COG6: variants seen among roughly 807,000 people sequenced by gnomAD.
The protein encoded by COG6 is conserved oligomeric Golgi complex subunit 6.
A neutral mutation model predicts 88.8 loss-of-function variants in COG6; 74 were observed. The ratio of observed to expected loss-of-function variants is 0.83; its 90% CI spans 0.69 to 1.01. The LOEUF (loss-of-function observed/expected upper bound fraction) is 1.01. COG6 is among the 50% of genes least tolerant of loss of function. COG6 has a pLI of 0.00. For missense variants in COG6, 800 were observed against 797.9 expected, an observed-to-expected ratio of 1.00 and a Z score of -0.03; for synonymous variants, 286 against 278.7, an observed-to-expected ratio of 1.03 and a Z score of -0.26.
At chr13:39,684,410 C>T (rs1346039681) in intron 8 of COG6, among the ~76,000 whole-genome samples, 1 of 150,850 alleles carries the variant, frequency 6.6e-6, no homozygotes, top group Non-Finnish European at 1.5e-5. Flanking sequence ...CCACCTCGCC[C>T]GGCTAATTTT....
intron 18 of COG6, among the ~76,000 whole-genome samples, chr13:39,776,584 G>C (rs1324159475): frequency 6.6e-6 from 1 of 152,150 alleles, no homozygotes; most frequent in African/African-American, 2.4e-5. Context: ...AATGGGAAAA[G>C]ATGTAACAAA....
chr13:39,751,412 A>G lies in COG6; in HGVS notation c.*319A>G. 7.6e-7 allele frequency: 1 copy of G among 1,307,574 alleles called. No homozygotes were observed. The highest frequency in any genetic ancestry group is 1.0e-6 in the Non-Finnish European group (1 of 1,001,392). The allele number at this position is 1,307,574 out of a possible 1,614,324, so 81.0% of individuals were successfully genotyped here. On this transcript the variant is annotated 3_prime_UTR_variant, in exon 19 of 19. Coordinates refer to ENST00000455146, the MANE Select transcript of COG6 (RefSeq NM_020751.3). Reference sequence around the variant, plus strand: ...AAGGTTTGAAGAATTTTTTTTTACAAGACTAGTTCTAAATTAACAGCTTAT... The same window carrying G: ...AAGGTTTGAAGAATTTTTTTTTACAGGACTAGTTCTAAATTAACAGCTTAT...
At position 39,770,103 on chromosome 13, in the gene COG6, G is replaced by A. The variant is rs534625745; in HGVS notation, c.1827-18232G>A. Among the ~76,000 whole-genome samples the A allele has an allele frequency of 7.9e-5, 12 of 152,278 alleles. No individual in the cohort carries two copies. In the East Asian group the frequency reaches 1.5e-3, roughly 20 times the overall value. On this transcript the variant is annotated intron_variant, in intron 18 of 18. Transcript: ENST00000416691. ...GCAAAGAAAATTAGAAATCAATATC[G>A]GGAAGTGAAAATATTCTCCAGTTCA...
intron 18 of COG6, among the ~76,000 whole-genome samples, chr13:39,781,595 G>C (rs959266268): frequency 1.3e-5 from 2 of 151,998 alleles, no homozygotes; most frequent in African/African-American, 4.8e-5. Context: ...ACAGCAAAGA[G>C]TTTTGGGCCA....
chr13:39,758,862 A>G (rs1283648185), intron 18 of COG6, among the ~76,000 whole-genome samples: 1 of 152,212 alleles, frequency 6.6e-6, no homozygotes, highest in Non-Finnish European at 1.5e-5. Flanking sequence ...AAAATGTGGT[A>G]TATCCATACA....
chr13:39,769,795 T>TATA (rs1445490589), intron 18 of COG6, among the ~76,000 whole-genome samples: 1 of 152,018 alleles, frequency 6.6e-6, no homozygotes, highest in Non-Finnish European at 1.5e-5. Flanking sequence ...TTTGTGCCCT[T>TATA]ATAAAATAGG....
At chr13:39,713,149 G>C (rs1026839770) in intron 13 of COG6, among the ~76,000 whole-genome samples, 3 of 152,162 alleles carry the variant, frequency 2.0e-5, no homozygotes, top group Non-Finnish European at 2.9e-5. Context: ...ATGCTGACTG[G>C]TTTCCAAGGA....
intron 5 of COG6, among the ~76,000 whole-genome samples, chr13:39,679,033 A>C (rs1330405797): frequency 6.6e-6 from 1 of 152,144 alleles, no homozygotes; most frequent in Non-Finnish European, 1.5e-5. Flanking sequence ...CCTCCAGTAC[A>C]TTTAAATATC....
chr13:39,718,389 T>A (rs939988991), intron 13 of COG6, among the ~76,000 whole-genome samples: 1 of 152,122 alleles, frequency 6.6e-6, no homozygotes, highest in Non-Finnish European at 1.5e-5. Flanking sequence ...TTTTAAAAAA[T>A]TTACAAAATG....
intron 13 of COG6, among the ~76,000 whole-genome samples, chr13:39,718,329 G>GC (rs1404788931): frequency 2.6e-5 from 4 of 151,972 alleles, no homozygotes; most frequent in African/African-American, 9.7e-5. Flanking sequence ...ACACCTTTCT[G>GC]CCTACCTGCC....
intron 5 of COG6, among the ~76,000 whole-genome samples, chr13:39,679,183 T>C (rs1437758283): frequency 6.6e-6 from 1 of 152,176 alleles, no homozygotes; most frequent in East Asian, 1.9e-4. Context: ...AGTAATAAGG[T>C]GTGTAATACA....
chr13:39,682,577 C>G (rs1876380786), intron 8 of COG6: 2 of 283,100 alleles, frequency 7.1e-6, no homozygotes, highest in Non-Finnish European at 1.4e-5. Flanking sequence ...GTAACTAAAA[C>G]TCCTGTATGA....
chr13:39,736,126 A>G (rs757894981), intron 18 of COG6, among the ~76,000 whole-genome samples: 3 of 152,056 alleles, frequency 2.0e-5, no homozygotes, highest in Non-Finnish European at 4.4e-5. Flanking sequence ...CTTTAAGGCC[A>G]ACAACTCTTG....
At chr13:39,743,589 C>T (rs1419868412) in intron 18 of COG6, among the ~76,000 whole-genome samples, 1 of 151,990 alleles carries the variant, frequency 6.6e-6, no homozygotes, top group East Asian at 1.9e-4. Flanking sequence ...CAATAACAGG[C>T]TCTGAAATTG....
chr13:39,659,778 T>C (rs749790643), intron 2 of COG6, among the ~76,000 whole-genome samples: 10 of 152,190 alleles, frequency 6.6e-5, no homozygotes, highest in Non-Finnish European at 1.3e-4. Flanking sequence ...ACAAAAAAAT[T>C]AACATTTCCC....
At chr13:39,753,825 A>G (rs1880744922), downstream of COG6, among the ~76,000 whole-genome samples, 3 of 151,976 alleles carry the variant, frequency 2.0e-5, no homozygotes, top group South Asian at 6.2e-4. Context: ...AAAACTCTCT[A>G]CTCAGATCCT....
chr13:39,732,278 T>G (rs1879496356), intron 18 of COG6, among the ~76,000 whole-genome samples: 1 of 152,180 alleles, frequency 6.6e-6, no homozygotes, highest in Non-Finnish European at 1.5e-5. Flanking sequence ...AATTATCAAC[T>G]TGATCTGTAA....
In COG6 at chr13:39,702,228, T is replaced by C. The variant is rs76785851; in HGVS notation, c.1284+2610T>C. Among the ~76,000 whole-genome samples the C allele has an allele frequency of 6.2e-3, 949 of 152,088 alleles. 25 individuals are homozygous for C. The East Asian group carries it at 0.078, about 12-fold the overall frequency. On this transcript the variant is annotated intron_variant, in intron 13 of 18. Coordinates refer to ENST00000455146, the MANE Select transcript of COG6 (RefSeq NM_020751.3). ...GTTGCCAGGCCTAGTTCAGATTATA[T>C]AGAGAACTTCATTCATCCTTAGGAG...
chr13:39,743,748 T>C (rs1027898601), intron 18 of COG6, among the ~76,000 whole-genome samples: 2 of 152,150 alleles, frequency 1.3e-5, no homozygotes, highest in Non-Finnish European at 2.9e-5. Context: ...CCCTAACTCA[T>C]GTTATGAGGC....
Sources: allele counts gnomAD v4.1 joint callset (sites outside exome capture counted in the v4.1 genomes callset), GRCh38; gene constraint gnomAD v4.1.1; transcripts MANE v1.5; gene names NCBI Gene and HGNC (gene_info 2026-07-23, HGNC 2026-07-21).